The following SNTN variants were observed in gnomAD, a reference collection of about 807,000 sequenced individuals.
SNTN encodes sentan, cilia apical structure protein.
A neutral mutation model predicts 12.3 loss-of-function variants in SNTN; 13 were observed. The observed-to-expected ratio is 1.05, with a 90% CI of 0.69 to 1.67. SNTN has a LOEUF of 1.67. Ranked by LOEUF, SNTN falls within the 40% of genes most tolerant of loss-of-function variation. The probability of loss-of-function intolerance (pLI) is 0.00; values close to 1 mark genes in which losing one functional copy is unlikely to be tolerated. For synonymous variants in SNTN, 69 were observed against 58.5 expected, an observed-to-expected ratio of 1.18 and a Z score of -0.82; for missense variants, 189 against 169.8, an observed-to-expected ratio of 1.11 and a Z score of -0.63.
chr3:63,654,876 C>T (rs960382891), intron 2 of SNTN, 80 bp downstream of exon 2: 1 of 1,270,988 alleles, frequency 7.9e-7, no homozygotes, highest in African/African-American at 1.5e-5. Context: ...AATAATAGGA[C>T]ATCAAAGAAT....
In SNTN at chr3:63,653,531, C is replaced by A. The variant is rs552635856; in HGVS notation, c.110+734C>A. Among the ~76,000 whole-genome samples the A allele has an allele frequency of 2.7e-3, 418 of 152,206 alleles. 4 individuals carry two copies. The highest frequency in any genetic ancestry group is 5.0e-3 in the Non-Finnish European group (338 of 67,996). On this transcript the variant is annotated intron_variant, in intron 1 of 3. Transcript: ENST00000343837. ...GAAAAAAATGAGGAACCCCTAAAGA[C>A]AAAGTTCCCTCAAGTAGTTAATGCC...
intron 3 of SNTN, among the ~76,000 whole-genome samples, chr3:63,662,816 T>C (rs188220709): frequency 6.6e-4 from 100 of 152,326 alleles, no homozygotes; most frequent in African/African-American, 2.3e-3. Context: ...ACAAACTAAA[T>C]GCAAATATGG....
At chr3:63,662,364 G>A (rs777310719) in intron 3 of SNTN, among the ~76,000 whole-genome samples, 12 of 152,168 alleles carry the variant, frequency 7.9e-5, no homozygotes, top group Non-Finnish European at 1.6e-4. Context: ...TTCCCATAAG[G>A]CTAAACATGG....
intron 3 of SNTN, among the ~76,000 whole-genome samples, chr3:63,661,289 G>T (rs1700741043): frequency 6.6e-6 from 1 of 152,136 alleles, no homozygotes; most frequent in African/African-American, 2.4e-5. Context: ...TTATTGATGG[G>T]TAGAGCAAGA....
At chr3:63,655,243 C>G (rs1335122783) in intron 2 of SNTN, among the ~76,000 whole-genome samples, 1 of 152,112 alleles carries the variant, frequency 6.6e-6, no homozygotes. Flanking sequence ...CCCTGGAAAT[C>G]AATTGCATAG....
At chr3:63,661,215 T>C (rs900248194) in intron 3 of SNTN, among the ~76,000 whole-genome samples, 7 of 152,190 alleles carry the variant, frequency 4.6e-5, no homozygotes, top group African/African-American at 1.7e-4. Context: ...CTTTGGAAAA[T>C]ACCAGCCTAG....
Position 63,664,189 on chromosome 3 carries a change from G to T in SNTN, c.*94G>T. On this transcript the variant is annotated 3_prime_UTR_variant, in exon 4 of 4. Coordinates refer to ENST00000343837, the MANE Select transcript of SNTN (RefSeq NM_001080537.2). ...TTGATTAATTGAATATATCTATCAT[G>T]CATCTGAAATTGCCTAGGATGGTTC... 1.6e-6 allele frequency: 2 copies of T among 1,269,632 alleles called. No individual in the cohort carries two copies. The highest frequency in any genetic ancestry group is 2.1e-6 in the Non-Finnish European group (2 of 936,052). 78.6% of individuals were successfully genotyped at this position (1,269,632 alleles called of 1,614,324 possible).
chr3:63,659,989 ACCTT>A (rs1700726626), intron 3 of SNTN, 125 bp downstream of exon 3: 1 of 1,137,112 alleles, frequency 8.8e-7, no homozygotes, highest in Non-Finnish European at 1.3e-6. Context: ...TTGAACACCT[ACCTT>A]ATGCCAGGCA....
At chr3:63,659,068 G>T (rs1700714452) in intron 2 of SNTN, among the ~76,000 whole-genome samples, 1 of 152,122 alleles carries the variant, frequency 6.6e-6, no homozygotes, top group Admixed American at 6.6e-5. Flanking sequence ...GTGACTAAAA[G>T]AACACAAAGC....
At chr3:63,658,420 AT>A (rs1700707125) in intron 2 of SNTN, among the ~76,000 whole-genome samples, 1 of 149,018 alleles carries the variant, frequency 6.7e-6, no homozygotes, top group African/African-American at 2.5e-5. Flanking sequence ...ATATATATAT[AT>A]ATATGTAAAA....
At position 63,664,627 on chromosome 3, in the gene SNTN, G is replaced by A. The variant is rs1159389580; in HGVS notation, c.*532G>A. The A allele has an allele frequency of 1.3e-5, 2 of 151,540 alleles. No individual in the cohort carries two copies. Among genetic ancestry groups the A allele is most frequent in the African/African-American group, 4.9e-5 (2 of 41,200 alleles). The allele number at this position is 151,540 out of a possible 1,614,324, so 9.4% of individuals were successfully genotyped here. ...TGATCGGAGTTCAAAGGTCAGAAAAGCTTTACTGACATTCTATAAAAAGCA... is the reference window on the plus strand; with the variant it reads ...TGATCGGAGTTCAAAGGTCAGAAAAACTTTACTGACATTCTATAAAAAGCA... On this transcript the variant is annotated 3_prime_UTR_variant, in exon 4 of 4. Coordinates refer to ENST00000343837, the MANE Select transcript of SNTN (RefSeq NM_001080537.2).
intron 2 of SNTN, among the ~76,000 whole-genome samples, chr3:63,659,230 C>G (rs1042712744): frequency 6.6e-6 from 1 of 152,110 alleles, no homozygotes; most frequent in Non-Finnish European, 1.5e-5. Flanking sequence ...CAAAGAGAAC[C>G]CTTATTCATC....
chr3:63,654,809 T>C lies in SNTN; in HGVS notation c.145+13T>C. The C allele has an allele frequency of 1.2e-6, 2 of 1,611,798 alleles. No homozygotes were observed. The highest frequency in any genetic ancestry group is 1.7e-6 in the Non-Finnish European group (2 of 1,178,814). The stretch of plus-strand genomic sequence containing the variant: ...GCTTCAGTGAAAGGTAAGGCACAGA[T>C]GACGCAGATGTACATTTTTCTCCTC... On this transcript the variant is annotated intron_variant, in intron 2 of 3. Coordinates refer to ENST00000343837, the MANE Select transcript of SNTN (RefSeq NM_001080537.2).
intron 2 of SNTN, among the ~76,000 whole-genome samples, chr3:63,655,872 G>A (rs1245774129): frequency 6.6e-6 from 1 of 152,140 alleles, no homozygotes; most frequent in Non-Finnish European, 1.5e-5. Flanking sequence ...TGGCTACTTG[G>A]GCCTATGCCC....
At chr3:63,658,189 C>T (rs1455172223) in intron 2 of SNTN, among the ~76,000 whole-genome samples, 1 of 151,988 alleles carries the variant, frequency 6.6e-6, no homozygotes, top group Non-Finnish European at 1.5e-5. Flanking sequence ...TCCAGCTTCC[C>T]AAGCCTGGAA....
At chr3:63,661,520 A>G (rs1700744171) in intron 3 of SNTN, among the ~76,000 whole-genome samples, 1 of 152,204 alleles carries the variant, frequency 6.6e-6, no homozygotes. Flanking sequence ...AATATAGTGT[A>G]ATACACAGAT....
At chr3:63,663,857 A>T (rs1173064084) in intron 3 of SNTN, 80 bp from the exon 4 acceptor site, 8 of 1,507,992 alleles carry the variant, frequency 5.3e-6, no homozygotes, top group Non-Finnish European at 7.3e-6. Flanking sequence ...AACACTAAAC[A>T]GACTAAGACA....
intron 2 of SNTN, among the ~76,000 whole-genome samples, chr3:63,658,053 A>G (rs114370535): frequency 0.015 from 2,328 of 152,128 alleles, 52 homozygotes; most frequent in African/African-American, 0.054. Flanking sequence ...TACACGGCCT[A>G]CAAGTCCTGC....
intron 3 of SNTN, chr3:63,663,580 G>A (rs1700766014): frequency 8.7e-6 from 2 of 229,008 alleles, no homozygotes; most frequent in Non-Finnish European, 1.7e-5. Context: ...TGCCTTGGGG[G>A]TGGTGAGTGA....
Sources: gnomAD v4.1 joint callset for allele counts (sites outside exome capture counted in the v4.1 genomes callset) on GRCh38, gnomAD v4.1.1 for gene constraint, MANE v1.5 for transcripts, NCBI Gene and HGNC (gene_info 2026-07-23, HGNC 2026-07-21) for gene names.